FOXP2: variants seen among roughly 807,000 people sequenced by gnomAD.
The protein encoded by FOXP2 is forkhead box protein P2.
FOXP2 carries 12 observed loss-of-function variants against 115.8 expected under a neutral mutation model. That is an observed-to-expected ratio of 0.10 (90% CI 0.07 to 0.17). The LOEUF (loss-of-function observed/expected upper bound fraction) is 0.17, where lower values mean the gene tolerates loss of function less well. Among genes scored for constraint, FOXP2 ranks in the 10% least tolerant of loss-of-function variants. The pLI, the probability that FOXP2 is intolerant of heterozygous loss-of-function variation, is 1.00. For synonymous variants in FOXP2, 328 were observed against 297.7 expected, an observed-to-expected ratio of 1.10 and a Z score of -1.05; for missense variants, 629 against 843.5, an observed-to-expected ratio of 0.75 and a Z score of 3.15.
intron 2 of FOXP2, among the ~76,000 whole-genome samples, chr7:114,304,981 T>C (rs1291384756): frequency 2.0e-5 from 3 of 152,150 alleles, no homozygotes; most frequent in African/African-American, 7.2e-5. Flanking sequence ...CATTAAATAT[T>C]TTATAAAATT....
intron 2 of FOXP2, among the ~76,000 whole-genome samples, chr7:114,490,231 G>A (rs2129243135): frequency 6.6e-6 from 1 of 152,198 alleles, no homozygotes; most frequent in South Asian, 2.1e-4. Context: ...GTGTTATTCA[G>A]CATTAAAATG....
intron 16 of FOXP2, chr7:114,668,617 C>T (rs976807008): frequency 1.3e-5 from 2 of 152,126 alleles, no homozygotes; most frequent in Admixed American, 6.5e-5. Flanking sequence ...TCTTATACCA[C>T]TATTTTGGAC....
intron 6 of FOXP2, among the ~76,000 whole-genome samples, chr7:114,636,212 T>G (rs922411680): frequency 2.0e-5 from 3 of 152,192 alleles, no homozygotes; most frequent in Admixed American, 1.3e-4. Flanking sequence ...GAAGAAGAGA[T>G]ATGGGTATCC....
chr7:114,411,888 A>G (rs145333495), upstream of FOXP2, among the ~76,000 whole-genome samples: 1,099 of 152,228 alleles, frequency 7.2e-3, 15 homozygotes, highest in African/African-American at 0.025. Context: ...GGAAAACAAG[A>G]TTAGTTTTCA....
intron 2 of FOXP2, among the ~76,000 whole-genome samples, chr7:114,299,094 C>T (rs1286620851): frequency 6.6e-6 from 1 of 152,002 alleles, no homozygotes; most frequent in Non-Finnish European, 1.5e-5. Flanking sequence ...AATTATCTTA[C>T]ATAATTATAA....
At chr7:114,647,015 C>T (rs1216111845) in intron 8 of FOXP2, among the ~76,000 whole-genome samples, 1 of 151,700 alleles carries the variant, frequency 6.6e-6, no homozygotes, top group African/African-American at 2.4e-5. Context: ...TTTTGTGTAT[C>T]CATTCTCCCT....
At chr7:114,100,520 A>G (rs12155510) in intron 1 of FOXP2, among the ~76,000 whole-genome samples, 20,143 of 152,130 alleles carry the variant, frequency 0.13, 1,878 homozygotes, top group Non-Finnish European at 0.2. Context: ...TAAGATTTGT[A>G]TCTCCATTAA....
chr7:114,463,288 G>A (rs1327446098), intron 2 of FOXP2: 1 of 219,648 alleles, frequency 4.6e-6, no homozygotes, highest in East Asian at 1.6e-4. Flanking sequence ...AAATCAAATA[G>A]GCATCTCATT....
chr7:114,138,019 G>C (rs1792089258), intron 1 of FOXP2, among the ~76,000 whole-genome samples: 1 of 152,142 alleles, frequency 6.6e-6, no homozygotes, highest in African/African-American at 2.4e-5. Flanking sequence ...ATGTGAAGCA[G>C]TTGTAATGCC....
At chr7:114,417,964 A>G (rs906661832) in intron 1 of FOXP2, among the ~76,000 whole-genome samples, 2 of 152,062 alleles carry the variant, frequency 1.3e-5, no homozygotes, top group African/African-American at 4.8e-5. Context: ...ACTTTATTGC[A>G]TCTTAAAATG....
rs558064775 is a variant in FOXP2, at chr7:114,525,864, C to A, written c.169-8753C>A. ...TGGTGGCCCATGCCTGTAATCCCAG[C>A]ACTTTGGGAGGCTGAGATGGGCAGA... is the stretch of plus-strand genomic sequence containing the variant. On this transcript the variant is annotated intron_variant, in intron 2 of 16. Coordinates refer to ENST00000350908, the MANE Select transcript of FOXP2 (RefSeq NM_014491.4). 1.3e-5 allele frequency among the ~76,000 whole-genome samples: 2 copies of A among 152,142 alleles called. 1 individual carries two copies. Among genetic ancestry groups the A allele is most frequent in the South Asian group, 4.1e-4 (2 of 4,830 alleles).
intron 2 of FOXP2, among the ~76,000 whole-genome samples, chr7:114,455,657 A>T (rs1003530435): frequency 6.6e-6 from 1 of 152,162 alleles, no homozygotes; most frequent in Admixed American, 6.5e-5. Context: ...TATTAGTCTT[A>T]TAGTTAACTG....
At chr7:114,348,137 A>G (rs1045666222) in intron 2 of FOXP2, among the ~76,000 whole-genome samples, 1 of 152,132 alleles carries the variant, frequency 6.6e-6, no homozygotes, top group African/African-American at 2.4e-5. Flanking sequence ...CAAGAGTTTT[A>G]TAGCAAGAAT....
intron 3 of FOXP2, among the ~76,000 whole-genome samples, chr7:114,610,589 T>C (rs927365966): frequency 6.6e-6 from 1 of 152,182 alleles, no homozygotes; most frequent in Non-Finnish European, 1.5e-5. Context: ...AACTATGTTA[T>C]ATATGTAGTC....
chr7:114,113,537 A>AT (rs1342025281), intron 1 of FOXP2, among the ~76,000 whole-genome samples: 1 of 151,956 alleles, frequency 6.6e-6, no homozygotes, highest in Non-Finnish European at 1.5e-5. Flanking sequence ...GTGTGCTACC[A>AT]TTTTTTAAAT....
Position 114,691,050 on chromosome 7 carries a change from T to C in FOXP2, c.*1124T>C, listed in dbSNP as rs779872326. ...TGAGGACAAAATCCGCAGTGGAAGT[T>C]ATGATATGCTAGAAAGCAACAAATG... On this transcript the variant is annotated 3_prime_UTR_variant, in exon 17 of 17. Transcript: ENST00000350908. 1.8e-5 allele frequency: 8 copies of C among 454,156 alleles called. No individual in the cohort carries two copies. The highest frequency in any genetic ancestry group is 9.3e-5 in the South Asian group (6 of 64,476). The allele number at this position is 454,156 out of a possible 1,614,324, so 28.1% of individuals were successfully genotyped here. A position where few individuals can be genotyped will look rare whatever the true frequency, so the allele number is the denominator to read the frequency against.
chr7:114,244,658 T>C (rs900988810), intron 1 of FOXP2, among the ~76,000 whole-genome samples: 1 of 152,246 alleles, frequency 6.6e-6, no homozygotes. Context: ...TGGTTTTATT[T>C]ATTCTTATAA....
chr7:114,179,204 A>T (rs909496517), intron 1 of FOXP2, among the ~76,000 whole-genome samples: 2 of 151,936 alleles, frequency 1.3e-5, no homozygotes, highest in African/African-American at 4.8e-5. Flanking sequence ...GTGACCTGAG[A>T]TTGACTTTGT....
chr7:114,478,278 G>A (rs1796376452), intron 2 of FOXP2, among the ~76,000 whole-genome samples: 1 of 151,722 alleles, frequency 6.6e-6, no homozygotes, highest in African/African-American at 2.4e-5. Context: ...GGGCCTCTTG[G>A]ATCTCTTTTA....
Sources: gnomAD v4.1 joint callset for allele counts (sites outside exome capture counted in the v4.1 genomes callset) on GRCh38, gnomAD v4.1.1 for gene constraint, MANE v1.5 for transcripts, NCBI Gene and HGNC (gene_info 2026-07-23, HGNC 2026-07-21) for gene names.